Variants in SPPL2B observed in about 807,000 individuals in gnomAD.
SPPL2B encodes the protein signal peptide peptidase-like 2B.
A neutral mutation model predicts 59.7 loss-of-function variants in SPPL2B; 39 were observed. The ratio of observed to expected loss-of-function variants is 0.65; its 90% CI spans 0.51 to 0.85. The LOEUF (loss-of-function observed/expected upper bound fraction) is 0.85. Among genes scored for constraint, SPPL2B ranks in the 40% least tolerant of loss-of-function variants. The pLI is 0.00. For synonymous variants in SPPL2B, 419 were observed against 370.8 expected (o/e 1.13, Z -1.49); for missense variants, 865 against 849.0 (o/e 1.02, Z -0.23).
intron 13 of SPPL2B, among the ~76,000 whole-genome samples, chr19:2,347,902 A>G (rs1205740008): frequency 9.2e-5 from 2 of 21,698 alleles, no homozygotes; most frequent in Non-Finnish European, 2.0e-4. Context: ...ACACTCACGC[A>G]CTCTTATTCG....
intron 13 of SPPL2B, among the ~76,000 whole-genome samples, chr19:2,349,633 T>G (rs1969761584): frequency 1.8e-5 from 1 of 55,248 alleles, no homozygotes; most frequent in South Asian, 1.1e-3. Flanking sequence ...CGCGCTCTCA[T>G]TCGCTTGATT....
intron 11 of SPPL2B, 33 bp from the exon 12 acceptor site, chr19:2,344,520 C>T: frequency 6.3e-7 from 1 of 1,593,900 alleles, no homozygotes; most frequent in South Asian, 1.1e-5. Context: ...GGTGAGGGTC[C>T]TGGAGGACAT....
Position 2,337,642 on chromosome 19 carries a change from C to T in SPPL2B, c.369+17C>T, listed in dbSNP as rs183422314. ...GAGAGGCTGGTACGGCCCTGTGCGT[C>T]CCCCGCTGGGCCAGCTCTCAGGGGC... On this transcript the variant is annotated intron_variant, in intron 3 of 14. Coordinates refer to ENST00000613503, the MANE Select transcript of SPPL2B (RefSeq NM_152988.3). 488 of 1,533,612 alleles carry T rather than the reference C, an allele frequency of 3.2e-4. 6 individuals carry two copies. In the East Asian group the frequency reaches 0.01, roughly 32 times the overall value.
Position 2,339,167 on chromosome 19 carries a change from C to T in SPPL2B, c.558C>T (p.Val186=), listed in dbSNP as rs113432861. 11,201 of 1,604,002 alleles carry T rather than the reference C, an allele frequency of 7.0e-3. 142 individuals are homozygous for T. Among genetic ancestry groups the T allele is most frequent in the African/African-American group, 0.054 (4,012 of 74,950 alleles). Residue 186 remains valine (V), a synonymous_variant, in exon 5 of 15, where the codon GTC becomes GTT. Coordinates refer to ENST00000613503, the MANE Select transcript of SPPL2B (RefSeq NM_152988.3). ...TCTTCATCATGGCTGTGGGCACCGT[C>T]GCCATCGGCGGCTACTGGGCCGGGA... ...VIIFIMAVGT[V]AIGGYWAGSR...
At chr19:2,333,225 T>G (rs1235157627) in intron 1 of SPPL2B, among the ~76,000 whole-genome samples, 87 of 37,450 alleles carry the variant, frequency 2.3e-3, no homozygotes, top group Admixed American at 4.5e-3. Flanking sequence ...AGGAGGAGGG[T>G]GGGGATGGCA....
At position 2,353,344 on chromosome 19, in the gene SPPL2B, G is replaced by T; in HGVS notation, c.*135G>T. On this transcript the variant is annotated 3_prime_UTR_variant, in exon 15 of 15. Coordinates refer to ENST00000613503, the MANE Select transcript of SPPL2B (RefSeq NM_152988.3). ...TGCCGTCCCCACCCGCCCCAACATG[G>T]TGCTCATCCTTGCCGAGACCCCTGC... 2 of 1,142,094 alleles carry T rather than the reference G, an allele frequency of 1.8e-6. No individual in the cohort carries two copies. Among genetic ancestry groups the T allele is most frequent in the Non-Finnish European group, 1.2e-6 (1 of 832,606 alleles). 70.7% of individuals were successfully genotyped at this position (1,142,094 alleles called of 1,614,324 possible).
intron 8 of SPPL2B, chr19:2,341,440 C>T (rs1014592337): frequency 1.5e-5 from 7 of 454,510 alleles, no homozygotes; most frequent in African/African-American, 1.2e-4. Context: ...GGCTTCTGAG[C>T]AGTGGTGGAG....
At chr19:2,341,508 G>A (rs1017432987) in intron 8 of SPPL2B, 5 of 445,154 alleles carry the variant, frequency 1.1e-5, no homozygotes, top group Admixed American at 7.1e-5. Flanking sequence ...ACTTGTGGCT[G>A]CCTCCCGCTG....
chr19:2,337,628 AC>A lies in SPPL2B; in HGVS notation c.369+4del. ...TCATCGTCAGCAGGGAGAGGCTGGT[AC>A]GGCCCTGTGCGTCCCCCGCTGGGCC... On this transcript the variant is annotated splice_donor_region_variant and intron_variant, in intron 3 of 14. Transcript: ENST00000613503. 1 of 1,564,702 alleles carries A rather than the reference AC, an allele frequency of 6.4e-7. No individual in the cohort carries two copies. The highest frequency in any genetic ancestry group is 2.3e-5 in the East Asian group (1 of 43,430).
intron 1 of SPPL2B, among the ~76,000 whole-genome samples, chr19:2,329,980 C>T (rs984411693): frequency 6.6e-6 from 1 of 152,114 alleles, no homozygotes; most frequent in South Asian, 2.1e-4. Flanking sequence ...GGACTCCCCC[C>T]ATTCTGCAGC....
intron 13 of SPPL2B, among the ~76,000 whole-genome samples, chr19:2,350,029 T>C (rs1969811647): frequency 6.9e-6 from 1 of 144,046 alleles, no homozygotes; most frequent in Non-Finnish European, 1.5e-5. Flanking sequence ...ACACACTCGC[T>C]CTCATTCGCT....
chr19:2,344,584 A>G lies in SPPL2B; in HGVS notation c.1208A>G (p.Asn403Ser), dbSNP rs376922097. Residue 403 changes from asparagine to serine, a missense_variant, in exon 12 of 15, where the codon AAC becomes AGC. By Grantham distance (46) the Asn-to-Ser change is conservative (BLOSUM62 1). Coordinates refer to ENST00000613503, the MANE Select transcript of SPPL2B (RefSeq NM_152988.3). ...ATGGTCCTGAAGGTGCCCAGGCTGA[A>G]CTCCTCACCTCTGGCCCTGTGTGAC... is the stretch of plus-strand genomic sequence containing the variant. ...LPMVLKVPRL[N>S]SSPLALCDRP... The G allele has an allele frequency of 3.7e-6, 6 of 1,612,498 alleles. No individual in the cohort carries two copies. In the African/African-American group the frequency reaches 8.0e-5, roughly 22 times the overall value.
At chr19:2,349,753 A>AC (rs1969776455) in intron 13 of SPPL2B, among the ~76,000 whole-genome samples, 11 of 121,308 alleles carry the variant, frequency 9.1e-5, no homozygotes, top group African/African-American at 3.6e-4. Context: ...CTCCACACAC[A>AC]TGCGCTCTCA....
chr19:2,338,406 TGCG>T, intron 3 of SPPL2B: 1 of 193,880 alleles, frequency 5.2e-6, no homozygotes, highest in South Asian at 1.2e-4. Flanking sequence ...CCTCAGTGGG[TGCG>T]GGGCTCAAGG....
intron 1 of SPPL2B, among the ~76,000 whole-genome samples, chr19:2,333,184 C>A (rs867115829): frequency 3.2e-5 from 1 of 31,164 alleles, no homozygotes; most frequent in Non-Finnish European, 5.8e-5. Flanking sequence ...CAGGTGCGGG[C>A]GGCTGGACTA....
rs1176526641 is a variant in SPPL2B, at chr19:2,337,641, TC to T, written c.369+21del. The T allele has an allele frequency of 6.5e-7, 1 of 1,532,158 alleles. No homozygotes were observed. 94.9% of individuals were successfully genotyped at this position (1,532,158 alleles called of 1,614,324 possible). A position where few individuals can be genotyped will look rare whatever the true frequency, so the allele number is the denominator to read the frequency against. ...GGAGAGGCTGGTACGGCCCTGTGCG[TC>T]CCCCGCTGGGCCAGCTCTCAGGGGC... On this transcript the variant is annotated intron_variant, in intron 3 of 14. Transcript: ENST00000613503.
chr19:2,343,871 G>A (rs1969200073), intron 9 of SPPL2B, 94 bp from the exon 10 acceptor site: 1 of 943,114 alleles, frequency 1.1e-6, no homozygotes, highest in East Asian at 2.6e-5. Context: ...TCCTTTAAAG[G>A]CTGCCTCCCA....
chr19:2,350,004 G>A (rs1294711407), intron 13 of SPPL2B, among the ~76,000 whole-genome samples: 1 of 130,538 alleles, frequency 7.7e-6, no homozygotes, highest in East Asian at 2.3e-4. Context: ...GCTTGATTCC[G>A]TTCTCTCCCT....
rs1042341180 is a variant in SPPL2B at position 2,332,244 on chromosome 19, C to T, written c.67-2358C>T. Among the ~76,000 whole-genome samples, 10 of 152,296 alleles carry T rather than the reference C, an allele frequency of 6.6e-5. No individual in the cohort carries two copies. Among genetic ancestry groups the T allele is most frequent in the Middle Eastern group, 3.4e-3 (1 of 294 alleles). ...GTGGGCTTTCACCATGCTGCCACCC[C>T]GAGGTCACCAGGGCCTTGACCCAGA... On this transcript the variant is annotated intron_variant, in intron 1 of 14. Transcript: ENST00000613503. The surrounding 1 kb of genome is among the most constrained non-coding windows in gnomAD (Gnocchi z 4.6).
Sources: gnomAD v4.1 joint callset for allele counts (sites outside exome capture counted in the v4.1 genomes callset) on GRCh38, gnomAD v4.1.1 for gene constraint, Gnocchi (gnomAD v3.1) non-coding constraint, MANE v1.5 for transcripts, NCBI Gene and HGNC (gene_info 2026-07-23, HGNC 2026-07-21) for gene names.